GALNT17: variants seen among roughly 807,000 people sequenced by gnomAD.
GALNT17 encodes the protein polypeptide N-acetylgalactosaminyltransferase 17.
Under a neutral mutation model 63.7 loss-of-function variants are expected in GALNT17, and 29 were observed. The ratio of observed to expected loss-of-function variants is 0.46; its 90% CI spans 0.34 to 0.62. GALNT17 has a LOEUF of 0.62. Ranked by LOEUF, GALNT17 falls within the 20% of genes least tolerant of loss-of-function variation. GALNT17 has a pLI of 0.01. For synonymous variants in GALNT17, 305 were observed against 318.3 expected, an observed-to-expected ratio of 0.96 and a Z score of 0.45; for missense variants, 603 against 799.6, an observed-to-expected ratio of 0.75 and a Z score of 2.97.
intron 1 of GALNT17, among the ~76,000 whole-genome samples, chr7:71,307,289 G>C (rs576177828): frequency 6.6e-6 from 1 of 151,960 alleles, no homozygotes; most frequent in Non-Finnish European, 1.5e-5. Context: ...CCACATCCTC[G>C]CCAACACTTG....
At chr7:71,701,751 A>G (rs1282503003) in intron 9 of GALNT17, among the ~76,000 whole-genome samples, 4 of 20,802 alleles carry the variant, frequency 1.9e-4, no homozygotes, top group South Asian at 2.1e-3. Context: ...GTGTATATAT[A>G]TGTATATATA....
chr7:71,145,707 T>G (rs938217094), intron 1 of GALNT17, among the ~76,000 whole-genome samples: 1 of 152,104 alleles, frequency 6.6e-6, no homozygotes, highest in Non-Finnish European at 1.5e-5. Flanking sequence ...TTTCTTAATT[T>G]TTTTATTTTT....
chr7:71,495,433 C>T (rs1788078935), intron 5 of GALNT17, among the ~76,000 whole-genome samples: 1 of 152,172 alleles, frequency 6.6e-6, no homozygotes, highest in Non-Finnish European at 1.5e-5. Flanking sequence ...AGGCATTGTG[C>T]TGCTAACATC....
At chr7:71,623,567 A>G (rs913961723) in intron 6 of GALNT17, among the ~76,000 whole-genome samples, 60 of 151,796 alleles carry the variant, frequency 4.0e-4, no homozygotes, top group African/African-American at 1.4e-3. Flanking sequence ...ACAGGCTCAC[A>G]CCACCACGCC....
intron 9 of GALNT17, among the ~76,000 whole-genome samples, chr7:71,692,556 T>G (rs1791470682): frequency 6.6e-6 from 1 of 152,054 alleles, no homozygotes; most frequent in South Asian, 2.1e-4. Flanking sequence ...ACTGCTTGAT[T>G]CACAGAGCTT....
intron 1 of GALNT17, among the ~76,000 whole-genome samples, chr7:71,171,312 C>T (rs1435725795): frequency 2.0e-5 from 3 of 152,082 alleles, no homozygotes; most frequent in African/African-American, 7.2e-5. Context: ...GCCAGGAGTT[C>T]AAGACCAGCC....
In GALNT17 at chr7:71,427,768, TAC is replaced by T. The variant is rs541900432; in HGVS notation, c.962+6665_962+6666del. Among the ~76,000 whole-genome samples the T allele has an allele frequency of 1.5e-3, 224 of 152,208 alleles. 1 individual carries two copies. The highest frequency in any genetic ancestry group is 5.1e-3 in the African/African-American group (210 of 41,532). ...GAGCAAGCAAAGCTTCATCTGTATTTACAGCCTCTTGCCATCTCCCACATTCC... is the reference window on the plus strand; with the variant it reads ...GAGCAAGCAAAGCTTCATCTGTATTTAGCCTCTTGCCATCTCCCACATTCC... On this transcript the variant is annotated intron_variant, in intron 5 of 10. Coordinates refer to ENST00000333538, the MANE Select transcript of GALNT17 (RefSeq NM_022479.3).
chr7:71,248,100 A>C (rs1402931021), intron 1 of GALNT17, among the ~76,000 whole-genome samples: 2 of 152,172 alleles, frequency 1.3e-5, no homozygotes, highest in Non-Finnish European at 2.9e-5. Context: ...ACAGCTCCGC[A>C]TGTCTGGGGA....
intron 5 of GALNT17, among the ~76,000 whole-genome samples, chr7:71,524,221 TTATATTATATTATATATATAATAATAATA>T (rs1363080580): frequency 1.4e-5 from 2 of 146,678 alleles, no homozygotes; most frequent in Non-Finnish European, 3.0e-5. Context: ...TTAACTATTA[TTATATTATATTATATATATAATAATAATA>T]TATATTATAT....
chr7:71,361,290 A>G (rs576468806), intron 2 of GALNT17, among the ~76,000 whole-genome samples: 4 of 152,310 alleles, frequency 2.6e-5, no homozygotes, highest in South Asian at 2.1e-4. Context: ...AAAAACCACT[A>G]TCAACAACAT....
intron 1 of GALNT17, among the ~76,000 whole-genome samples, chr7:71,148,667 A>G (rs1374577302): frequency 6.6e-6 from 1 of 152,092 alleles, no homozygotes; most frequent in East Asian, 1.9e-4. Flanking sequence ...GGGCATTCAA[A>G]CATACATACA....
chr7:71,665,107 A>G (rs1028659865), intron 6 of GALNT17, among the ~76,000 whole-genome samples: 6 of 152,084 alleles, frequency 3.9e-5, no homozygotes, highest in Non-Finnish European at 7.3e-5. Flanking sequence ...CCTCCTGAGT[A>G]GCTGGATTAT....
rs138324218 is a variant in GALNT17, at chr7:71,699,674, C to T, written c.1501-11087C>T. Among the ~76,000 whole-genome samples the T allele has an allele frequency of 1.8e-4, 28 of 152,240 alleles. No homozygotes were observed. The East Asian group carries it at 5.4e-3, about 29-fold the overall frequency. On this transcript the variant is annotated intron_variant, in intron 9 of 10. Coordinates refer to ENST00000333538, the MANE Select transcript of GALNT17 (RefSeq NM_022479.3). The stretch of plus-strand genomic sequence containing the variant: ...GCGGCCTGGACACAGTGGCTCATGC[C>T]TGTAATCCCAACACTTTGAGATGCT...
At position 71,430,242 on chromosome 7, in the gene GALNT17, G is replaced by A. The variant is rs1343089222; in HGVS notation, c.962+9137G>A. Among the ~76,000 whole-genome samples, 3 of 152,096 alleles carry A rather than the reference G, an allele frequency of 2.0e-5. No homozygotes were observed. In the East Asian group the frequency reaches 5.8e-4, roughly 29 times the overall value. ...TATTCATGACATTATGTATATATGG[G>A]GAAAAGAGTGAGGTGTAAGATAAGA... On this transcript the variant is annotated intron_variant, in intron 5 of 10. Coordinates refer to ENST00000333538, the MANE Select transcript of GALNT17 (RefSeq NM_022479.3).
At chr7:71,246,962 G>A (rs1379037457) in intron 1 of GALNT17, among the ~76,000 whole-genome samples, 1 of 133,518 alleles carries the variant, frequency 7.5e-6, no homozygotes, top group Non-Finnish European at 1.6e-5. Flanking sequence ...GGGGGGAGGG[G>A]CAAGGTTTTG....
intron 5 of GALNT17, among the ~76,000 whole-genome samples, chr7:71,526,022 C>T (rs752171173): frequency 3.3e-5 from 5 of 151,960 alleles, no homozygotes; most frequent in Non-Finnish European, 7.4e-5. Flanking sequence ...TTACAGGTGC[C>T]AGCCACCACG....
At position 71,271,105 on chromosome 7, in the gene GALNT17, G is replaced by A. The variant is rs150879863; in HGVS notation, c.239-64445G>A. 2.6e-5 allele frequency among the ~76,000 whole-genome samples: 4 copies of A among 152,298 alleles called. No individual in the cohort carries two copies. In the East Asian group the frequency reaches 5.8e-4, roughly 22 times the overall value. On this transcript the variant is annotated intron_variant, in intron 1 of 10. Transcript: ENST00000333538. The stretch of plus-strand genomic sequence containing the variant: ...TCATTCCTAAAGCAAGCTGACAAAA[G>A]CATTTAAAGACTTGCTCATTCCAAA...
intron 2 of GALNT17, among the ~76,000 whole-genome samples, chr7:71,354,326 T>A (rs973797246): frequency 6.6e-6 from 1 of 152,212 alleles, no homozygotes; most frequent in African/African-American, 2.4e-5. Flanking sequence ...GTGCCTCTAG[T>A]GTTTCTCATT....
intron 6 of GALNT17, among the ~76,000 whole-genome samples, chr7:71,613,122 G>A (rs1790149929): frequency 6.6e-6 from 1 of 152,172 alleles, no homozygotes. Flanking sequence ...CAGCAGTTCA[G>A]GGCTGCAGCC....
Sources: gnomAD v4.1 joint callset for allele counts (sites outside exome capture counted in the v4.1 genomes callset) on GRCh38, gnomAD v4.1.1 for gene constraint, MANE v1.5 for transcripts, NCBI Gene and HGNC (gene_info 2026-07-23, HGNC 2026-07-21) for gene names.